The following FTCDNL1 variants were observed in gnomAD, a reference collection of about 807,000 sequenced individuals.
The protein encoded by FTCDNL1 is formiminotransferase N-terminal subdomain-containing protein.
A neutral mutation model predicts 5.9 loss-of-function variants in FTCDNL1; 11 were observed. The ratio of observed to expected loss-of-function variants is 1.87; its 90% CI spans 1.18 to 3.10. FTCDNL1 has a LOEUF of 3.10. FTCDNL1 is among the 30% of genes most tolerant of loss of function. The pLI, the probability that FTCDNL1 is intolerant of heterozygous loss-of-function variation, is 0.00. For synonymous variants in FTCDNL1, 58 were observed against 24.8 expected (o/e 2.34, Z -3.99); for missense variants, 115 against 65.5 (o/e 1.76, Z -2.61).
At chr2:199,819,335 T>C in intron 4 of FTCDNL1, 1 of 520,728 alleles carries the variant, frequency 1.9e-6, no homozygotes, top group Non-Finnish European at 3.4e-6. Flanking sequence ...GGGCTAATGA[T>C]ATATCTTGAA....
At chr2:199,676,558 ACC>A in the FTCDNL1 span, among the ~76,000 whole-genome samples, 1 of 151,836 alleles carries the variant, frequency 6.6e-6, no homozygotes, top group Non-Finnish European at 1.5e-5. Flanking sequence ...TATAAAATGT[ACC>A]CCTATATTAA....
the FTCDNL1 span, among the ~76,000 whole-genome samples, chr2:199,750,295 G>A: frequency 2.0e-5 from 3 of 151,912 alleles, no homozygotes; most frequent in South Asian, 2.1e-4. Flanking sequence ...GAGGTGGAGG[G>A]TGCAATGAGC....
chr2:199,774,669 C>T (rs550684958), intron 3 of FTCDNL1, among the ~76,000 whole-genome samples: 2 of 152,200 alleles, frequency 1.3e-5, no homozygotes, highest in South Asian at 4.2e-4. Flanking sequence ...TCAACCAGGG[C>T]ATGGCCTTGA....
the FTCDNL1 span, among the ~76,000 whole-genome samples, chr2:199,677,014 G>A: frequency 2.0e-5 from 3 of 152,196 alleles, no homozygotes; most frequent in African/African-American, 4.8e-5. Context: ...ATTGGGTTAC[G>A]CAGATGGAAT....
At chr2:199,779,482 G>C (rs1363762363) in intron 3 of FTCDNL1, among the ~76,000 whole-genome samples, 1 of 152,122 alleles carries the variant, frequency 6.6e-6, no homozygotes, top group Non-Finnish European at 1.5e-5. Flanking sequence ...GAGGATTCTG[G>C]GAACACAGTG....
intron 3 of FTCDNL1, among the ~76,000 whole-genome samples, chr2:199,764,668 C>T (rs1698427576): frequency 6.6e-6 from 1 of 152,148 alleles, no homozygotes; most frequent in Non-Finnish European, 1.5e-5. Context: ...CTGCCTCTTC[C>T]CTGAGTCCAG....
downstream of FTCDNL1, among the ~76,000 whole-genome samples, chr2:199,808,593 G>A (rs1226270672): frequency 6.6e-6 from 1 of 152,150 alleles, no homozygotes; most frequent in East Asian, 1.9e-4. Context: ...AAAGCCAGCA[G>A]CCTGTAATGC....
At chr2:199,732,643 A>G in the FTCDNL1 span, among the ~76,000 whole-genome samples, 7 of 152,214 alleles carry the variant, frequency 4.6e-5, no homozygotes, top group Non-Finnish European at 1.0e-4. Flanking sequence ...AAAGTTTCAG[A>G]ATAAAAGTGC....
chr2:199,824,728 G>A (rs1284455239), intron 3 of FTCDNL1, among the ~76,000 whole-genome samples: 1 of 152,212 alleles, frequency 6.6e-6, no homozygotes, highest in African/African-American at 2.4e-5. Flanking sequence ...AGAGAGATGG[G>A]GGAACAGCCA....
At chr2:199,756,315 A>G (rs1041343816), downstream of FTCDNL1, among the ~76,000 whole-genome samples, 2 of 152,158 alleles carry the variant, frequency 1.3e-5, no homozygotes, top group African/African-American at 4.8e-5. Context: ...CTTTTCTTCA[A>G]CGCTAACTAA....
At chr2:199,701,923 T>C in the FTCDNL1 span, among the ~76,000 whole-genome samples, 14 of 152,130 alleles carry the variant, frequency 9.2e-5, no homozygotes, top group African/African-American at 2.9e-4. Context: ...TAATCCCAGC[T>C]ACTCAGGAGG....
intron 3 of FTCDNL1, among the ~76,000 whole-genome samples, chr2:199,761,235 C>A (rs1355137362): frequency 6.6e-6 from 1 of 152,208 alleles, no homozygotes. Flanking sequence ...TAAATCCCAG[C>A]CAGGGCCACA....
chr2:199,701,683 A>G, the FTCDNL1 span, among the ~76,000 whole-genome samples: 1 of 152,236 alleles, frequency 6.6e-6, no homozygotes, highest in Admixed American at 6.5e-5. Flanking sequence ...GGAAGTCATT[A>G]TCCTAAGTGA....
chr2:199,804,116 G>A (rs1251465169), intron 3 of FTCDNL1, among the ~76,000 whole-genome samples: 5 of 152,132 alleles, frequency 3.3e-5, no homozygotes, highest in Non-Finnish European at 7.4e-5. Context: ...ATCAGTTACC[G>A]AAAATCCTTT....
chr2:199,807,949 T>C (rs1182703549), downstream of FTCDNL1, among the ~76,000 whole-genome samples: 1 of 152,144 alleles, frequency 6.6e-6, no homozygotes, highest in African/African-American at 2.4e-5. Flanking sequence ...TGGTGAAAGG[T>C]GACTGAATTA....
chr2:199,746,836 A>G, the FTCDNL1 span, among the ~76,000 whole-genome samples: 1 of 151,956 alleles, frequency 6.6e-6, no homozygotes, highest in African/African-American at 2.4e-5. Flanking sequence ...ATTATAATTA[A>G]AGATGAGAGA....
At chr2:199,769,354 T>C (rs1396520150) in intron 3 of FTCDNL1, among the ~76,000 whole-genome samples, 2 of 152,130 alleles carry the variant, frequency 1.3e-5, no homozygotes, top group Admixed American at 6.6e-5. Context: ...ACTGTTCTAC[T>C]AGTCAATAAG....
the FTCDNL1 span, among the ~76,000 whole-genome samples, chr2:199,743,965 C>G: frequency 2.6e-5 from 4 of 152,104 alleles, no homozygotes; most frequent in Non-Finnish European, 5.9e-5. Flanking sequence ...ACTGAACATG[C>G]CTGTTGCCTA....
intron 3 of FTCDNL1, among the ~76,000 whole-genome samples, chr2:199,785,168 T>C (rs374571282): frequency 1.5e-4 from 23 of 151,928 alleles, no homozygotes; most frequent in African/African-American, 4.6e-4. Context: ...GTTTTCATGA[T>C]CTCATACATG....
Sources: allele counts gnomAD v4.1 joint callset (sites outside exome capture counted in the v4.1 genomes callset), GRCh38; gene constraint gnomAD v4.1.1; transcripts MANE v1.5; gene names NCBI Gene and HGNC (gene_info 2026-07-23, HGNC 2026-07-21).